PRKG1: variants seen among roughly 807,000 people sequenced by gnomAD.
PRKG1 encodes protein kinase cGMP-dependent 1.
PRKG1 carries 35 observed loss-of-function variants against 88.1 expected under a neutral mutation model. The ratio of observed to expected loss-of-function variants is 0.40; its 90% CI spans 0.30 to 0.53. PRKG1 has a LOEUF of 0.53. PRKG1 is among the 20% of genes least tolerant of loss of function. PRKG1 has a pLI of 0.59. For synonymous variants in PRKG1, 303 were observed against 292.5 expected (o/e 1.04, Z -0.37); for missense variants, 540 against 839.8 (o/e 0.64, Z 4.41).
intron 9 of PRKG1, among the ~76,000 whole-genome samples, chr10:52,233,010 G>T (rs770761426): frequency 1.3e-5 from 2 of 152,106 alleles, no homozygotes; most frequent in Admixed American, 6.5e-5. Context: ...CATCCCCATT[G>T]TTAAGACTGG....
intron 2 of PRKG1, among the ~76,000 whole-genome samples, chr10:51,424,180 C>T (rs1414176473): frequency 6.6e-6 from 1 of 152,130 alleles, no homozygotes; most frequent in East Asian, 1.9e-4. Flanking sequence ...AGAAAGCAAA[C>T]TGTTATCCAG....
chr10:51,858,012 C>T (rs1349240472), intron 4 of PRKG1, among the ~76,000 whole-genome samples: 1 of 141,822 alleles, frequency 7.1e-6, no homozygotes, highest in African/African-American at 2.6e-5. Context: ...GCCTGTGTGT[C>T]TTTAAAGGCA....
At chr10:52,139,488 A>T (rs1837516007) in intron 8 of PRKG1, among the ~76,000 whole-genome samples, 1 of 152,032 alleles carries the variant, frequency 6.6e-6, no homozygotes, top group Non-Finnish European at 1.5e-5. Flanking sequence ...TACTGCGTTT[A>T]TTCAGATATT....
chr10:52,247,625 G>C (rs1318228309), intron 9 of PRKG1, among the ~76,000 whole-genome samples: 1 of 152,040 alleles, frequency 6.6e-6, no homozygotes, highest in East Asian at 1.9e-4. Flanking sequence ...CCCAGTTATG[G>C]CAAGAAACAG....
intron 3 of PRKG1, among the ~76,000 whole-genome samples, chr10:51,498,443 A>C (rs1840925308): frequency 6.6e-6 from 1 of 152,226 alleles, no homozygotes. Flanking sequence ...ACTATCTGTC[A>C]AAGTTTTACC....
At chr10:51,493,892 C>T (rs766031949) in intron 3 of PRKG1, among the ~76,000 whole-genome samples, 1 of 151,990 alleles carries the variant, frequency 6.6e-6, no homozygotes. Context: ...TGAAATAAAC[C>T]TCTGGAGAGC....
At chr10:51,438,288 A>G (rs1838997693) in intron 2 of PRKG1, among the ~76,000 whole-genome samples, 1 of 151,926 alleles carries the variant, frequency 6.6e-6, no homozygotes, top group Admixed American at 6.6e-5. Context: ...GTAATTTTTT[A>G]TAATTAACAA....
At chr10:51,986,446 C>G (rs777275934) in intron 5 of PRKG1, among the ~76,000 whole-genome samples, 1 of 152,140 alleles carries the variant, frequency 6.6e-6, no homozygotes, top group Non-Finnish European at 1.5e-5. Flanking sequence ...AAAAGTTAAG[C>G]AAAAAGCACT....
intron 3 of PRKG1, among the ~76,000 whole-genome samples, chr10:51,743,454 A>C (rs1837486717): frequency 6.6e-6 from 1 of 151,632 alleles, no homozygotes; most frequent in Non-Finnish European, 1.5e-5. Context: ...CACATGTGAT[A>C]ATCCCCAGGA....
At chr10:51,876,438 G>A (rs2132869518) in intron 4 of PRKG1, among the ~76,000 whole-genome samples, 1 of 152,302 alleles carries the variant, frequency 6.6e-6, no homozygotes, top group African/African-American at 2.4e-5. Context: ...ATGGAAATGT[G>A]TAGTGTAGTA....
At chr10:51,049,432 C>G (rs1843534154) in intron 1 of PRKG1, among the ~76,000 whole-genome samples, 1 of 152,126 alleles carries the variant, frequency 6.6e-6, no homozygotes, top group East Asian at 1.9e-4. Flanking sequence ...TTGAGTAAAG[C>G]TACTGATTTG....
chr10:51,081,231 T>A (rs1469768619), intron 1 of PRKG1, among the ~76,000 whole-genome samples: 2 of 151,844 alleles, frequency 1.3e-5, no homozygotes, highest in Non-Finnish European at 2.9e-5. Flanking sequence ...GAGAGTAGAG[T>A]GAGAAGAAGA....
At chr10:52,246,438 T>C (rs577210761) in intron 9 of PRKG1, among the ~76,000 whole-genome samples, 1 of 152,314 alleles carries the variant, frequency 6.6e-6, no homozygotes, top group South Asian at 2.1e-4. Flanking sequence ...TGCATATGTA[T>C]CTTGGTCTCA....
chr10:51,487,062 C>G (rs775498490), intron 3 of PRKG1, among the ~76,000 whole-genome samples: 2 of 151,622 alleles, frequency 1.3e-5, no homozygotes, highest in South Asian at 4.2e-4. Flanking sequence ...ACACCAATAA[C>G]TTGACTTAGT....
At chr10:51,410,238 ATGTGTG>A (rs762105037) in intron 2 of PRKG1, among the ~76,000 whole-genome samples, 12 of 143,766 alleles carry the variant, frequency 8.3e-5, no homozygotes, top group African/African-American at 3.1e-4. Flanking sequence ...GTGTGTGTGT[ATGTGTG>A]TGTGTGTGTG....
intron 9 of PRKG1, among the ~76,000 whole-genome samples, chr10:52,190,095 C>T (rs371281463): frequency 2.8e-4 from 42 of 152,104 alleles, no homozygotes; most frequent in African/African-American, 9.2e-4. Context: ...TCAAATAGTC[C>T]AAATTAGTTT....
intron 2 of PRKG1, among the ~76,000 whole-genome samples, chr10:51,303,257 T>C (rs933893975): frequency 2.0e-5 from 3 of 152,122 alleles, no homozygotes; most frequent in Non-Finnish European, 4.4e-5. Context: ...CAAGTTTCCG[T>C]GCAATGTTTG....
intron 3 of PRKG1, among the ~76,000 whole-genome samples, chr10:51,489,744 A>T (rs1302696391): frequency 6.6e-6 from 1 of 152,158 alleles, no homozygotes; most frequent in Non-Finnish European, 1.5e-5. Flanking sequence ...AGGGAATGGG[A>T]TGGAGGGTAG....
At chr10:51,219,269 G>T (rs899998602) in intron 2 of PRKG1, among the ~76,000 whole-genome samples, 2 of 152,082 alleles carry the variant, frequency 1.3e-5, no homozygotes, top group Non-Finnish European at 2.9e-5. Context: ...TTAAACATAT[G>T]TTTATCAGGT....
Sources: allele counts gnomAD v4.1 joint callset (sites outside exome capture counted in the v4.1 genomes callset), GRCh38; gene constraint gnomAD v4.1.1; transcripts MANE v1.5; gene names NCBI Gene and HGNC (gene_info 2026-07-23, HGNC 2026-07-21).